Variants in ZAR1L observed in about 807,000 individuals in gnomAD.
ZAR1L encodes zygote arrest 1 like.
In ZAR1L, 16 loss-of-function variants were observed where a neutral mutation model predicts 30.0. The ratio of observed to expected loss-of-function variants is 0.53; its 90% CI spans 0.36 to 0.81. The LOEUF (loss-of-function observed/expected upper bound fraction) is 0.81. Ranked by LOEUF, ZAR1L falls within the 30% of genes least tolerant of loss-of-function variation. The pLI is 0.00. For synonymous variants in ZAR1L, 197 were observed against 166.8 expected (o/e 1.18, Z -1.40); for missense variants, 392 against 417.2 (o/e 0.94, Z 0.53).
intron 5 of ZAR1L, among the ~76,000 whole-genome samples, chr13:32,308,361 G>A (rs971415610): frequency 6.6e-6 from 1 of 152,180 alleles, no homozygotes; most frequent in Non-Finnish European, 1.5e-5. Context: ...GGTAATGCAT[G>A]TAAAGCACTA....
At chr13:32,312,803 G>T (rs74406670) in intron 2 of ZAR1L, among the ~76,000 whole-genome samples, 16,324 of 151,988 alleles carry the variant, frequency 0.11, 1,384 homozygotes, top group African/African-American at 0.23. Flanking sequence ...ACCTGAACCC[G>T]GGAGGCAAAG....
At chr13:32,304,159 C>T in intron 5 of ZAR1L, 137 bp from the exon 6 acceptor site, 1 of 793,656 alleles carries the variant, frequency 1.3e-6, no homozygotes, top group Non-Finnish European at 1.9e-6. Flanking sequence ...AAGGCCAAGA[C>T]CAAGTTGTAC....
At chr13:32,310,545 T>C (rs2072204935) in intron 4 of ZAR1L, 94 bp downstream of exon 4, 1 of 864,744 alleles carries the variant, frequency 1.2e-6, no homozygotes, top group South Asian at 1.5e-5. Context: ...AAGACAGGAC[T>C]ATGACAGCCA....
At chr13:32,311,210 A>G in intron 3 of ZAR1L, 62 bp downstream of exon 3, 1 of 1,462,790 alleles carries the variant, frequency 6.8e-7, no homozygotes, top group South Asian at 1.4e-5. Flanking sequence ...GCCCCCATAG[A>G]TGGAAAAGGA....
chr13:32,304,510 T>C (rs1312991863), intron 5 of ZAR1L, among the ~76,000 whole-genome samples: 4 of 152,156 alleles, frequency 2.6e-5, no homozygotes, highest in Non-Finnish European at 5.9e-5. Context: ...GTGATTTTAC[T>C]CCCCCATCTC....
In ZAR1L at chr13:32,312,025, G is replaced by T; in HGVS notation, c.-100C>A. 1 of 1,337,676 alleles carries T rather than the reference G, an allele frequency of 7.5e-7. No individual in the cohort carries two copies. The highest frequency in any genetic ancestry group is 1.5e-5 in the South Asian group (1 of 65,294). The allele number at this position is 1,337,676 out of a possible 1,614,324, so 82.9% of individuals were successfully genotyped here. A position where few individuals can be genotyped will look rare whatever the true frequency, so the allele number is the denominator to read the frequency against. ...ATCCGCCCCTTCTTTCTCTTCATCAGGTTGGTTCAGATTCATTCCTGGCTT... is the reference window on the plus strand; with the variant it reads ...ATCCGCCCCTTCTTTCTCTTCATCATGTTGGTTCAGATTCATTCCTGGCTT... On this transcript the variant is annotated 5_prime_UTR_variant, in exon 3 of 6. The change creates a new upstream start codon in the 5' untranslated region. Coordinates refer to ENST00000533490, the MANE Select transcript of ZAR1L (RefSeq NM_001136571.2).
At chr13:32,315,002 G>T (rs1028632283) in intron 1 of ZAR1L, among the ~76,000 whole-genome samples, 1 of 152,128 alleles carries the variant, frequency 6.6e-6, no homozygotes, top group African/African-American at 2.4e-5. Flanking sequence ...AACAGCTACT[G>T]GAACTAAAAT....
At chr13:32,305,234 T>C (rs1014108631) in intron 5 of ZAR1L, among the ~76,000 whole-genome samples, 1 of 152,130 alleles carries the variant, frequency 6.6e-6, no homozygotes, top group Non-Finnish European at 1.5e-5. Flanking sequence ...CCTTTTTTTT[T>C]TTCTTTTTTT....
chr13:32,308,741 CAG>C lies in ZAR1L; in HGVS notation c.765_766del (p.Cys256LeufsTer2). On this transcript the variant is annotated frameshift_variant, in exon 5 of 6. Transcript: ENST00000533490. LOFTEE classifies it high-confidence loss of function. ...GTTAAAACTCTTTTGGCATTTACAA[CAG>C]AGTTGTTTGAAATAAACCTAAAGAG... 1 of 1,550,274 alleles carries C rather than the reference CAG, an allele frequency of 6.5e-7. No individual in the cohort carries two copies. The highest frequency in any genetic ancestry group is 8.7e-7 in the Non-Finnish European group (1 of 1,146,142).
In ZAR1L at chr13:32,307,713, G is replaced by A. The variant is rs151284367; in HGVS notation, c.822+973C>T. 3.3e-5 allele frequency among the ~76,000 whole-genome samples: 5 copies of A among 152,196 alleles called. No homozygotes were observed. In the East Asian group the frequency reaches 9.6e-4, roughly 29 times the overall value. On this transcript the variant is annotated intron_variant, in intron 5 of 5. Transcript: ENST00000533490. ...ACATTTAAACCCAGTTTAATAAGTA[G>A]TTATATTGAACATCATCATCAAAGA... is the stretch of plus-strand genomic sequence containing the variant.
Position 32,303,893 on chromosome 13 carries a change from T to A in ZAR1L, c.952A>T (p.Lys318Ter). ...CACTGTACAAGTCACATCACATATTTAAAGCTGTAAATATTGCCACAGGAG... is the reference window on the plus strand; with the variant it reads ...CACTGTACAAGTCACATCACATATTAAAAGCTGTAAATATTGCCACAGGAG... ...RFSCGNIYSF[K>*]YVM Residue 318 changes from lysine to a stop codon, truncating the protein, a stop_gained, in exon 6 of 6, where the codon AAA (lysine) becomes TAA (stop). Coordinates refer to ENST00000533490, the MANE Select transcript of ZAR1L (RefSeq NM_001136571.2). LOFTEE classifies it high-confidence loss of function. 1 of 1,551,722 alleles carries A rather than the reference T, an allele frequency of 6.4e-7. No individual in the cohort carries two copies. The highest frequency in any genetic ancestry group is 8.7e-7 in the Non-Finnish European group (1 of 1,146,994).
chr13:32,309,911 T>C (rs206108), intron 4 of ZAR1L, among the ~76,000 whole-genome samples: 57,587 of 152,136 alleles, frequency 0.38, 11,097 homozygotes, highest in East Asian at 0.49. Flanking sequence ...CTCAATGCCT[T>C]TTTGCCCTCT....
Position 32,310,751 on chromosome 13 carries a change from GTACTT to G in ZAR1L, c.655-25_655-21del. On this transcript the variant is annotated intron_variant, in intron 3 of 5. Coordinates refer to ENST00000533490, the MANE Select transcript of ZAR1L (RefSeq NM_001136571.2). ...CAAAAACTGAAAATAAAGAAGAAAA[GTACTT>G]TACCATCATGCAAGGGGAAAAAAGC... 1 of 1,493,010 alleles carries G rather than the reference GTACTT, an allele frequency of 6.7e-7. No homozygotes were observed. Among genetic ancestry groups the G allele is most frequent in the Non-Finnish European group, 9.1e-7 (1 of 1,093,874 alleles). 92.5% of individuals were successfully genotyped at this position (1,493,010 alleles called of 1,614,324 possible).
chr13:32,312,183 G>T, intron 2 of ZAR1L, 90 bp from the exon 3 acceptor site: 1 of 439,100 alleles, frequency 2.3e-6, no homozygotes. Context: ...CACTGTTCGG[G>T]AATCTTTTTT....
chr13:32,306,033 A>G (rs571193683), intron 5 of ZAR1L, among the ~76,000 whole-genome samples: 1 of 152,374 alleles, frequency 6.6e-6, no homozygotes, highest in African/African-American at 2.4e-5. Flanking sequence ...AATAAAACTA[A>G]TATTTCCAGC....
intron 5 of ZAR1L, among the ~76,000 whole-genome samples, chr13:32,306,389 A>G (rs2072175041): frequency 6.6e-6 from 1 of 152,230 alleles, no homozygotes; most frequent in African/African-American, 2.4e-5. Context: ...TTCAAGAAAC[A>G]CTATGAAGCT....
rs570632601 is a variant in ZAR1L at position 32,314,748 on chromosome 13, A to T, written c.-389-198T>A. Among the ~76,000 whole-genome samples the T allele has an allele frequency of 2.0e-5, 3 of 152,316 alleles. No individual in the cohort carries two copies. The East Asian group carries it at 5.8e-4, about 29-fold the overall frequency. On this transcript the variant is annotated intron_variant, in intron 1 of 5. Transcript: ENST00000533490. ...ATGCCTGTATTCCCAGCTACTCGGG[A>T]GGCTGAGGCAGGAGAACCACTTGAT... is the stretch of plus-strand genomic sequence containing the variant.
intron 5 of ZAR1L, among the ~76,000 whole-genome samples, chr13:32,307,498 C>CAAAAAAAAAAAA (rs772822284): frequency 1.3e-4 from 2 of 15,356 alleles, no homozygotes; most frequent in Non-Finnish European, 2.1e-4. Flanking sequence ...GAGTCTGTCT[C>CAAAAAAAAAAAA]AAAAAAAAAA....
At chr13:32,308,582 A>T in intron 5 of ZAR1L, 104 bp downstream of exon 5, 1 of 776,258 alleles carries the variant, frequency 1.3e-6, no homozygotes, top group Non-Finnish European at 2.1e-6. Flanking sequence ...CATACAGAAC[A>T]CTCACATACC....
Sources: allele counts gnomAD v4.1 joint callset (sites outside exome capture counted in the v4.1 genomes callset), GRCh38; gene constraint gnomAD v4.1.1; transcripts MANE v1.5; gene names NCBI Gene and HGNC (gene_info 2026-07-23, HGNC 2026-07-21).